The following ASPH variants were observed in gnomAD, a reference collection of about 807,000 sequenced individuals.
The protein encoded by ASPH is aspartyl/asparaginyl beta-hydroxylase.
ASPH carries 100 observed loss-of-function variants against 118.4 expected under a neutral mutation model. The ratio of observed to expected loss-of-function variants is 0.84; its 90% confidence interval spans 0.72 to 1.00. The LOEUF (loss-of-function observed/expected upper bound fraction) is 1.00. ASPH is among the 50% of genes least tolerant of loss of function. ASPH has a pLI of 0.00. For missense variants in ASPH, 920 were observed against 919.5 expected, an observed-to-expected ratio of 1.00 and a Z score of -0.01; for synonymous variants, 315 against 325.6, an observed-to-expected ratio of 0.97 and a Z score of 0.35.
chr8:61,548,043 G>A, intron 21 of ASPH, 28 bp downstream of exon 21: 1 of 1,593,294 alleles, frequency 6.3e-7, no homozygotes, highest in Non-Finnish European at 8.6e-7. Context: ...CAAAGATCTG[G>A]TGAGGATGAT....
chr8:61,670,910 G>A (rs989075788), intron 3 of ASPH, among the ~76,000 whole-genome samples: 1 of 151,984 alleles, frequency 6.6e-6, no homozygotes, highest in Non-Finnish European at 1.5e-5. Context: ...TCTCTACAGA[G>A]GAATAAAATG....
intron 15 of ASPH, among the ~76,000 whole-genome samples, chr8:61,581,319 C>T (rs377187960): frequency 6.6e-6 from 1 of 152,322 alleles, no homozygotes; most frequent in African/African-American, 2.4e-5. Flanking sequence ...CTGCAAGACA[C>T]AAAATGTTTG....
chr8:61,685,267 A>G (rs1196793752), intron 1 of ASPH, among the ~76,000 whole-genome samples: 4 of 152,164 alleles, frequency 2.6e-5, no homozygotes, highest in African/African-American at 9.7e-5. Flanking sequence ...GGAGCTGTCA[A>G]GGCTTATGAC....
chr8:61,616,938 G>C (rs972028751), intron 14 of ASPH, among the ~76,000 whole-genome samples: 1 of 152,168 alleles, frequency 6.6e-6, no homozygotes, highest in Non-Finnish European at 1.5e-5. Flanking sequence ...ACAATTCCTG[G>C]CATGTAGTTG....
chr8:61,667,611 C>T (rs751623598), intron 3 of ASPH, among the ~76,000 whole-genome samples: 14 of 152,160 alleles, frequency 9.2e-5, no homozygotes, highest in Non-Finnish European at 1.9e-4. Flanking sequence ...GTGATCCACC[C>T]GCCTCAGCTT....
chr8:61,558,088 G>T (rs1304048588), intron 18 of ASPH, among the ~76,000 whole-genome samples: 1 of 152,106 alleles, frequency 6.6e-6, no homozygotes, highest in Non-Finnish European at 1.5e-5. Context: ...TTTTCTCAGG[G>T]GGCTCTCACT....
intron 14 of ASPH, among the ~76,000 whole-genome samples, chr8:61,590,316 C>T (rs1004065814): frequency 9.2e-5 from 14 of 151,868 alleles, no homozygotes; most frequent in African/African-American, 1.9e-4. Context: ...TAAGGTTTTT[C>T]GAGAGAGGGT....
intron 3 of ASPH, chr8:61,656,621 CACA>C (rs1227812699): frequency 1.1e-4 from 16 of 152,144 alleles, no homozygotes; most frequent in Non-Finnish European, 2.1e-4. Context: ...CAGCAATGGC[CACA>C]ACATGATTTG....
intron 17 of ASPH, among the ~76,000 whole-genome samples, chr8:61,564,774 C>A (rs998651982): frequency 6.6e-6 from 1 of 152,186 alleles, no homozygotes; most frequent in Non-Finnish European, 1.5e-5. Context: ...GGACTTTAGT[C>A]CTATTTTATT....
At chr8:61,534,776 G>A (rs1818872693) in intron 21 of ASPH, among the ~76,000 whole-genome samples, 1 of 152,248 alleles carries the variant, frequency 6.6e-6, no homozygotes, top group South Asian at 2.1e-4. Flanking sequence ...GAGGCAGTTA[G>A]TACACATTTC....
chr8:61,552,420 A>G (rs930351756), intron 20 of ASPH, among the ~76,000 whole-genome samples: 1 of 152,240 alleles, frequency 6.6e-6, no homozygotes, highest in African/African-American at 2.4e-5. Context: ...TTTTTTAGCT[A>G]CTACATTTTT....
At chr8:61,705,245 A>C (rs974461537) in intron 1 of ASPH, among the ~76,000 whole-genome samples, 1 of 152,132 alleles carries the variant, frequency 6.6e-6, no homozygotes, top group Non-Finnish European at 1.5e-5. Context: ...GGCCTACTTG[A>C]GGGTGGAGGG....
chr8:61,666,500 A>T (rs2151373363), intron 3 of ASPH, among the ~76,000 whole-genome samples: 1 of 152,362 alleles, frequency 6.6e-6, no homozygotes, highest in African/African-American at 2.4e-5. Flanking sequence ...AACAAAGAAA[A>T]TGAAATATTT....
At chr8:61,646,920 G>T in intron 5 of ASPH, 42 bp from the exon 6 acceptor site, 2 of 1,611,682 alleles carry the variant, frequency 1.2e-6, no homozygotes, top group Non-Finnish European at 1.7e-6. Context: ...ATACAACTGA[G>T]ACATGAAAGC....
At chr8:61,517,190 A>T (rs1381043291) in intron 24 of ASPH, 2 of 205,024 alleles carry the variant, frequency 9.8e-6, no homozygotes, top group Non-Finnish European at 2.0e-5. Flanking sequence ...GTTGCAAAGC[A>T]GGAAGCACAA....
chr8:61,529,612 G>T (rs1250083210), intron 21 of ASPH, among the ~76,000 whole-genome samples: 1 of 152,186 alleles, frequency 6.6e-6, no homozygotes, highest in African/African-American at 2.4e-5. Context: ...TATTCACATG[G>T]TTAGAGGAAA....
chr8:61,679,719 T>C (rs1322687220), intron 3 of ASPH, among the ~76,000 whole-genome samples: 2 of 151,826 alleles, frequency 1.3e-5, no homozygotes, highest in Non-Finnish European at 2.9e-5. Flanking sequence ...TAATAAACCA[T>C]TTATAGGCAA....
intron 3 of ASPH, chr8:61,663,118 A>T (rs1817762575): frequency 5.1e-6 from 5 of 985,378 alleles, no homozygotes; most frequent in Non-Finnish European, 4.8e-6. Context: ...AAGATCTAAC[A>T]CGGGGATATG....
rs1322223350 is a variant in ASPH at position 61,532,732 on chromosome 8, G to A, written c.1765-6620C>T. On this transcript the variant is annotated intron_variant, in intron 21 of 24. Coordinates refer to ENST00000379454, the MANE Select transcript of ASPH (RefSeq NM_004318.4). ...TCCTTCCTTCTCTAGAAGCTTTATAGGAGTCAGGATAGTATAGTGTTTAGG... is the reference window on the plus strand; with the variant it reads ...TCCTTCCTTCTCTAGAAGCTTTATAAGAGTCAGGATAGTATAGTGTTTAGG... 6.6e-5 allele frequency among the ~76,000 whole-genome samples: 10 copies of A among 152,256 alleles called. No individual in the cohort carries two copies. In the South Asian group the frequency reaches 2.1e-3, roughly 32 times the overall value.
Sources: gnomAD v4.1 joint callset for allele counts (sites outside exome capture counted in the v4.1 genomes callset) on GRCh38, gnomAD v4.1.1 for gene constraint, MANE v1.5 for transcripts, NCBI Gene and HGNC (gene_info 2026-07-23, HGNC 2026-07-21) for gene names.